RIN3: variants seen among roughly 807,000 people sequenced by gnomAD.
RIN3 encodes the protein Ras and Rab interactor 3.
A neutral mutation model predicts 76.3 loss-of-function variants in RIN3; 54 were observed. The observed-to-expected ratio is 0.71, with a 90% CI of 0.57 to 0.89. The LOEUF (loss-of-function observed/expected upper bound fraction) is 0.89. Ranked by LOEUF, RIN3 falls within the 40% of genes least tolerant of loss-of-function variation. RIN3 has a pLI of 0.00. For synonymous variants in RIN3, 576 were observed against 564.0 expected (o/e 1.02, Z -0.30); for missense variants, 1,256 against 1,322.1 (o/e 0.95, Z 0.78).
chr14:92,585,770 C>T (rs1342016912), intron 3 of RIN3, among the ~76,000 whole-genome samples: 2 of 152,110 alleles, frequency 1.3e-5, no homozygotes, highest in Non-Finnish European at 2.9e-5. Context: ...AGGTACACGC[C>T]GCTGTGCCTG....
intron 2 of RIN3, among the ~76,000 whole-genome samples, chr14:92,560,130 G>A (rs1361603998): frequency 6.6e-6 from 1 of 152,220 alleles, no homozygotes; most frequent in East Asian, 1.9e-4. Flanking sequence ...CCCAGCTTCA[G>A]TGGTGCGAGA....
intron 1 of RIN3, among the ~76,000 whole-genome samples, chr14:92,526,953 G>C (rs1896749225): frequency 6.6e-6 from 1 of 152,210 alleles, no homozygotes; most frequent in Admixed American, 6.5e-5. Context: ...GGCAATGCCT[G>C]GGGTCCCTTG....
At chr14:92,554,290 A>C (rs1311603134) in intron 1 of RIN3, among the ~76,000 whole-genome samples, 1 of 152,136 alleles carries the variant, frequency 6.6e-6, no homozygotes, top group African/African-American at 2.4e-5. Flanking sequence ...GAAGGCAAAC[A>C]TGAGGGTCTT....
Position 92,548,478 on chromosome 14 carries a change from A to G in RIN3, c.45-7273A>G, listed in dbSNP as rs529319905. On this transcript the variant is annotated intron_variant, in intron 1 of 9. Transcript: ENST00000216487. The stretch of plus-strand genomic sequence containing the variant: ...AACTTTGCAGCTTAAAGCAGCAGAA[A>G]TTTATTTTCTTGTGGTTCTCAAGGC... Among the ~76,000 whole-genome samples the G allele has an allele frequency of 3.3e-5, 5 of 152,260 alleles. No homozygotes were observed. The East Asian group carries it at 9.7e-4, about 29-fold the overall frequency.
intron 3 of RIN3, among the ~76,000 whole-genome samples, chr14:92,602,772 G>C (rs1004876896): frequency 4.6e-5 from 7 of 152,142 alleles, no homozygotes; most frequent in Admixed American, 4.6e-4. Context: ...CTGGATTCCA[G>C]AGAGCTCTAG....
chr14:92,637,093 G>A (rs903920052), intron 4 of RIN3, among the ~76,000 whole-genome samples: 4 of 151,954 alleles, frequency 2.6e-5, no homozygotes, highest in African/African-American at 4.8e-5. Flanking sequence ...GGATGGTTTC[G>A]GGATGATTCA....
intron 2 of RIN3, among the ~76,000 whole-genome samples, chr14:92,566,861 A>G (rs1056210310): frequency 2.0e-5 from 3 of 152,008 alleles, no homozygotes; most frequent in Non-Finnish European, 4.4e-5. Flanking sequence ...TGCACCTCAC[A>G]CTATTTTCTC....
intron 2 of RIN3, among the ~76,000 whole-genome samples, chr14:92,563,542 C>T (rs1897836988): frequency 6.6e-6 from 1 of 152,152 alleles, no homozygotes; most frequent in Non-Finnish European, 1.5e-5. Context: ...AAACTCAGCT[C>T]TGAGACGGTA....
chr14:92,615,318 GC>G (rs1191325693), intron 3 of RIN3, 88 bp from the exon 4 acceptor site: 9 of 1,071,230 alleles, frequency 8.4e-6, no homozygotes, highest in African/African-American at 3.1e-5. Flanking sequence ...CAGCAGACAC[GC>G]CCCCCGACCC....
intron 1 of RIN3, among the ~76,000 whole-genome samples, chr14:92,525,332 G>A (rs1260688658): frequency 6.6e-6 from 1 of 152,212 alleles, no homozygotes; most frequent in East Asian, 1.9e-4. Flanking sequence ...CACCAGCAGG[G>A]ACAGTGGCTC....
chr14:92,524,645 T>C (rs1298621499), intron 1 of RIN3, among the ~76,000 whole-genome samples: 1 of 152,214 alleles, frequency 6.6e-6, no homozygotes, highest in African/African-American at 2.4e-5. Flanking sequence ...AGGGTCTTGT[T>C]TCCACTGGGC....
intron 2 of RIN3, among the ~76,000 whole-genome samples, chr14:92,559,182 T>A (rs1407951433): frequency 6.6e-6 from 1 of 152,148 alleles, no homozygotes; most frequent in Non-Finnish European, 1.5e-5. Context: ...CTCTCTTCCT[T>A]GACTGTAAGA....
chr14:92,534,966 T>C (rs1896962839), intron 1 of RIN3, among the ~76,000 whole-genome samples: 1 of 152,182 alleles, frequency 6.6e-6, no homozygotes, highest in Non-Finnish European at 1.5e-5. Flanking sequence ...TCAGGATGAA[T>C]TGCCACAGTT....
At chr14:92,539,867 G>C (rs924362950) in intron 1 of RIN3, among the ~76,000 whole-genome samples, 2 of 152,154 alleles carry the variant, frequency 1.3e-5, no homozygotes, top group Admixed American at 1.3e-4. Flanking sequence ...GCAAAGCCAT[G>C]AGCCTTCAAC....
intron 2 of RIN3, among the ~76,000 whole-genome samples, chr14:92,557,901 T>A (rs1195224052): frequency 2.6e-5 from 4 of 152,152 alleles, no homozygotes; most frequent in African/African-American, 9.7e-5. Flanking sequence ...TGTTCTGGAT[T>A]TTTCTTGGTC....
At chr14:92,680,971 C>T (rs1260700502) in intron 8 of RIN3, among the ~76,000 whole-genome samples, 2 of 152,166 alleles carry the variant, frequency 1.3e-5, no homozygotes, top group Non-Finnish European at 2.9e-5. Flanking sequence ...CCCCCCACCC[C>T]CTGCCCCTGT....
In RIN3 at chr14:92,666,806, G is replaced by A. The variant is rs375206357; in HGVS notation, c.2335+7337G>A. Reference sequence around the variant, plus strand: ...GGGTGCAGTTTGGGAACCTTCTAATGTGAATGCCGAGCAGGAGGCATCCCA... The same window carrying A: ...GGGTGCAGTTTGGGAACCTTCTAATATGAATGCCGAGCAGGAGGCATCCCA... On this transcript the variant is annotated intron_variant, in intron 7 of 9. Coordinates refer to ENST00000216487, the MANE Select transcript of RIN3 (RefSeq NM_024832.5). 1.6e-4 allele frequency among the ~76,000 whole-genome samples: 24 copies of A among 152,210 alleles called. No individual in the cohort carries two copies. The East Asian group carries it at 4.1e-3, about 26-fold the overall frequency.
chr14:92,611,542 C>T (rs933508663), intron 3 of RIN3, among the ~76,000 whole-genome samples: 9 of 152,154 alleles, frequency 5.9e-5, no homozygotes, highest in Admixed American at 2.0e-4. Context: ...TGTGAGCCAT[C>T]GCAGCCAGCC....
intron 1 of RIN3, among the ~76,000 whole-genome samples, chr14:92,528,260 G>A (rs562170805): frequency 1.9e-4 from 29 of 152,188 alleles, no homozygotes; most frequent in African/African-American, 6.7e-4. Flanking sequence ...TCCCTCCTAG[G>A]GAGATGGCCA....
Sources: gnomAD v4.1 joint callset for allele counts (sites outside exome capture counted in the v4.1 genomes callset) on GRCh38, gnomAD v4.1.1 for gene constraint, MANE v1.5 for transcripts, NCBI Gene and HGNC (gene_info 2026-07-23, HGNC 2026-07-21) for gene names.